The following ADGRL3 variants were observed in gnomAD, a reference collection of about 807,000 sequenced individuals.
ADGRL3 encodes adhesion G protein-coupled receptor L3.
In ADGRL3, 62 loss-of-function variants were observed where a neutral mutation model predicts 153.5. The observed-to-expected ratio is 0.40, with a 90% CI of 0.33 to 0.50. The LOEUF is 0.50. Among genes scored for constraint, ADGRL3 ranks in the 20% least tolerant of loss-of-function variants. The pLI is 0.47. For synonymous variants in ADGRL3, 710 were observed against 672.5 expected (o/e 1.06, Z -0.86); for missense variants, 1,641 against 1,859.4 (o/e 0.88, Z 2.16).
intron 8 of ADGRL3, among the ~76,000 whole-genome samples, chr4:61,758,878 G>C (rs923600539): frequency 1.3e-5 from 2 of 152,158 alleles, no homozygotes; most frequent in Non-Finnish European, 2.9e-5. Flanking sequence ...AGGCCTGGTG[G>C]TGACAGAATC....
At chr4:61,301,830 C>T (rs1203100415) in intron 1 of ADGRL3, among the ~76,000 whole-genome samples, 2 of 152,054 alleles carry the variant, frequency 1.3e-5, no homozygotes, top group Non-Finnish European at 2.9e-5. Context: ...AAATTGTAAT[C>T]AATGAATAGT....
intron 11 of ADGRL3, among the ~76,000 whole-genome samples, chr4:61,899,691 T>C (rs1037376267): frequency 6.6e-6 from 1 of 152,110 alleles, no homozygotes; most frequent in African/African-American, 2.4e-5. Flanking sequence ...ATAGACTAGG[T>C]AGCTTATAAA....
At chr4:61,225,110 G>C (rs1211192341) in intron 1 of ADGRL3, among the ~76,000 whole-genome samples, 2 of 152,108 alleles carry the variant, frequency 1.3e-5, no homozygotes, top group Admixed American at 1.3e-4. Context: ...ATATAAATCA[G>C]CTTTGTCATT....
At chr4:61,346,962 A>G (rs2151246211) in intron 1 of ADGRL3, among the ~76,000 whole-genome samples, 1 of 152,188 alleles carries the variant, frequency 6.6e-6, no homozygotes, top group East Asian at 1.9e-4. Flanking sequence ...ACATAAAGAA[A>G]TATTAGCCTA....
chr4:61,258,155 C>T (rs2092173943), intron 1 of ADGRL3, among the ~76,000 whole-genome samples: 1 of 152,150 alleles, frequency 6.6e-6, no homozygotes, highest in Non-Finnish European at 1.5e-5. Context: ...ACTTGTGGAC[C>T]AGGTCCCTTG....
chr4:61,767,162 AGAG>A (rs2096997159), intron 8 of ADGRL3, among the ~76,000 whole-genome samples: 2 of 151,944 alleles, frequency 1.3e-5, no homozygotes, highest in Admixed American at 1.3e-4. Context: ...GGGGGATACA[AGAG>A]GAGGACCCAA....
At chr4:61,855,211 CTGAA>C (rs2098249334) in intron 9 of ADGRL3, among the ~76,000 whole-genome samples, 1 of 152,264 alleles carries the variant, frequency 6.6e-6, no homozygotes, top group South Asian at 2.1e-4. Context: ...AAAATAGAAA[CTGAA>C]TGCTGGCTCT....
At chr4:62,028,950 A>C in intron 22 of ADGRL3, 69 bp downstream of exon 22, 1 of 1,364,860 alleles carries the variant, frequency 7.3e-7, no homozygotes, top group Non-Finnish European at 1.0e-6. Flanking sequence ...CTGTCAGATC[A>C]GTACTGAAAA....
At chr4:61,887,902 G>C (rs1374036579) in intron 9 of ADGRL3, among the ~76,000 whole-genome samples, 2 of 152,030 alleles carry the variant, frequency 1.3e-5, no homozygotes, top group South Asian at 4.1e-4. Flanking sequence ...AACTTTACAA[G>C]TATTTATTTT....
chr4:61,663,889 T>C (rs2094694753), intron 5 of ADGRL3, among the ~76,000 whole-genome samples: 1 of 152,186 alleles, frequency 6.6e-6, no homozygotes, highest in Non-Finnish European at 1.5e-5. Context: ...AAGAAAAATA[T>C]GAAACACCCC....
At chr4:61,391,830 A>C (rs1486095078) in intron 2 of ADGRL3, among the ~76,000 whole-genome samples, 1 of 151,446 alleles carries the variant, frequency 6.6e-6, no homozygotes, top group Admixed American at 6.6e-5. Context: ...TTTAGGTAAG[A>C]AAATTATCCA....
intron 2 of ADGRL3, among the ~76,000 whole-genome samples, chr4:61,473,791 G>T (rs1179774415): frequency 2.6e-5 from 4 of 151,992 alleles, no homozygotes; most frequent in Admixed American, 6.6e-5. Context: ...CTTAATCATT[G>T]GTTTGTTTTA....
chr4:61,576,294 C>G (rs1248775896), intron 4 of ADGRL3, among the ~76,000 whole-genome samples: 1 of 151,862 alleles, frequency 6.6e-6, no homozygotes, highest in Non-Finnish European at 1.5e-5. Flanking sequence ...CCAGCATTAT[C>G]CAGCATACGA....
At chr4:62,037,180 A>G (rs1167275103) in intron 23 of ADGRL3, among the ~76,000 whole-genome samples, 1 of 152,162 alleles carries the variant, frequency 6.6e-6, no homozygotes. Context: ...ATAGACTTAG[A>G]AGAAATGATT....
intron 1 of ADGRL3, among the ~76,000 whole-genome samples, chr4:61,309,117 T>C (rs1275943969): frequency 2.0e-5 from 3 of 152,226 alleles, no homozygotes; most frequent in African/African-American, 7.2e-5. Context: ...AAGTTTTAAA[T>C]GTTACTAATT....
At chr4:62,047,326 T>C (rs978171012) in intron 25 of ADGRL3, among the ~76,000 whole-genome samples, 1 of 152,072 alleles carries the variant, frequency 6.6e-6, no homozygotes, top group African/African-American at 2.4e-5. Flanking sequence ...GGTTAATTCA[T>C]TAAAAGAGTA....
rs542935806 is a variant in ADGRL3, at chr4:61,639,165, C to G, written c.474-37661C>G. 5.9e-5 allele frequency among the ~76,000 whole-genome samples: 9 copies of G among 152,168 alleles called. No individual in the cohort carries two copies. The East Asian group carries it at 1.4e-3, about 23-fold the overall frequency. On this transcript the variant is annotated intron_variant, in intron 5 of 26. Coordinates refer to ENST00000683033, the MANE Select transcript of ADGRL3 (RefSeq NM_001387552.1). ...AGTGACAATTCAAAGTGCCTTTGTA[C>G]GCTAAAATAGAAAACCCATTTTTAA...
At chr4:61,614,776 TTTTGA>T (rs1310631134) in intron 5 of ADGRL3, among the ~76,000 whole-genome samples, 25 of 152,166 alleles carry the variant, frequency 1.6e-4, no homozygotes, top group African/African-American at 6.0e-4. Flanking sequence ...TACTCCTTTC[TTTTGA>T]TTTATTTTTC....
intron 25 of ADGRL3, among the ~76,000 whole-genome samples, chr4:62,057,028 A>C (rs184082349): frequency 6.6e-6 from 1 of 152,266 alleles, no homozygotes; most frequent in Admixed American, 6.5e-5. Context: ...GCATTAAAAA[A>C]AATAAAGTCT....
Sources: allele counts gnomAD v4.1 joint callset (sites outside exome capture counted in the v4.1 genomes callset), GRCh38; gene constraint gnomAD v4.1.1; transcripts MANE v1.5; gene names NCBI Gene and HGNC (gene_info 2026-07-23, HGNC 2026-07-21).